DAB1: variants seen among roughly 807,000 people sequenced by gnomAD.
DAB1 encodes disabled homolog 1.
In DAB1, 15 loss-of-function variants were observed where a neutral mutation model predicts 64.6. The ratio of observed to expected loss-of-function variants is 0.23; its 90% CI spans 0.16 to 0.36. The LOEUF (loss-of-function observed/expected upper bound fraction) is 0.36, where lower values mean the gene tolerates loss of function less well. Among genes scored for constraint, DAB1 ranks in the 10% least tolerant of loss-of-function variants. The probability of loss-of-function intolerance (pLI) is 1.00; values close to 1 mark genes in which losing one functional copy is unlikely to be tolerated. For synonymous variants in DAB1, 235 were observed against 251.9 expected (o/e 0.93, Z 0.64); for missense variants, 596 against 706.7 (o/e 0.84, Z 1.78).
chr1:58,356,382 G>C (rs868366421), intron 3 of DAB1, among the ~76,000 whole-genome samples: 1 of 152,094 alleles, frequency 6.6e-6, no homozygotes, highest in Non-Finnish European at 1.5e-5. Flanking sequence ...TTTAGAGCGA[G>C]ACAAAAATAT....
At chr1:57,272,774 G>T (rs1671114531) in intron 2 of DAB1, among the ~76,000 whole-genome samples, 1 of 152,156 alleles carries the variant, frequency 6.6e-6, no homozygotes, top group African/African-American at 2.4e-5. Context: ...CACGTGGCTG[G>T]CCATCAGAGA....
At chr1:58,523,848 G>A (rs770805067) in intron 2 of DAB1, among the ~76,000 whole-genome samples, 1 of 151,414 alleles carries the variant, frequency 6.6e-6, no homozygotes, top group Non-Finnish European at 1.5e-5. Context: ...GCAGTGAGCC[G>A]AGATCACACC....
chr1:58,421,248 A>G (rs880007), intron 3 of DAB1, among the ~76,000 whole-genome samples: 14,187 of 152,226 alleles, frequency 0.093, 1,059 homozygotes, highest in East Asian at 0.31. Flanking sequence ...GACAGGCACG[A>G]GCAACATGAT....
At chr1:57,472,247 T>C (rs138044499) in intron 7 of DAB1, among the ~76,000 whole-genome samples, 3 of 152,316 alleles carry the variant, frequency 2.0e-5, no homozygotes, top group African/African-American at 7.2e-5. Context: ...CATTATAAAG[T>C]AAAGGGCATT....
In DAB1 at chr1:57,141,912, C is replaced by G. The variant is rs74077258; in HGVS notation, c.207+3378G>C. 3.2e-3 allele frequency among the ~76,000 whole-genome samples: 484 copies of G among 152,092 alleles called. 1 individual carries two copies. The highest frequency in any genetic ancestry group is 0.011 in the African/African-American group (473 of 41,488). ...AAACTGTGTCTTGTCGAACACAGGC[C>G]CTCTTGGTGTCTGGGTTAGAATTCA... On this transcript the variant is annotated intron_variant, in intron 3 of 14. Transcript: ENST00000371236.
chr1:58,433,584 AGAGAGAGAGAGAGTGT>A (rs141606117), intron 3 of DAB1, among the ~76,000 whole-genome samples: 1 of 135,414 alleles, frequency 7.4e-6, no homozygotes, highest in East Asian at 2.2e-4. Flanking sequence ...AGAGAGAGAG[AGAGAGAGAGAGAGTGT>A]GTGTGTGTGT....
At chr1:57,568,040 A>C (rs1405916498) in intron 7 of DAB1, among the ~76,000 whole-genome samples, 1 of 152,228 alleles carries the variant, frequency 6.6e-6, no homozygotes, top group Admixed American at 6.5e-5. Flanking sequence ...ATAAGGCTAC[A>C]GTAACCAAAA....
chr1:57,910,283 C>G (rs760076346), intron 5 of DAB1, among the ~76,000 whole-genome samples: 1 of 152,114 alleles, frequency 6.6e-6, no homozygotes, highest in African/African-American at 2.4e-5. Context: ...GCATCTGGTC[C>G]TTTTTGAACA....
intron 8 of DAB1, among the ~76,000 whole-genome samples, chr1:57,065,829 T>A (rs764031856): frequency 4.6e-5 from 7 of 152,162 alleles, no homozygotes; most frequent in Non-Finnish European, 1.0e-4. Flanking sequence ...ATTGTGAGCA[T>A]CTAAGGGGGC....
At chr1:57,010,336 C>T (rs980043123) in intron 14 of DAB1, among the ~76,000 whole-genome samples, 2 of 152,130 alleles carry the variant, frequency 1.3e-5, no homozygotes, top group East Asian at 1.9e-4. Context: ...CCACGCAGAA[C>T]ATATTATTAA....
At chr1:57,372,246 T>C (rs949683947) in intron 1 of DAB1, among the ~76,000 whole-genome samples, 5 of 152,192 alleles carry the variant, frequency 3.3e-5, no homozygotes, top group Non-Finnish European at 7.3e-5. Flanking sequence ...AACTGGTGTG[T>C]TTAATACCTC....
At chr1:58,370,292 T>C (rs1216328498) in intron 3 of DAB1, among the ~76,000 whole-genome samples, 3 of 151,978 alleles carry the variant, frequency 2.0e-5, no homozygotes, top group Admixed American at 6.6e-5. Context: ...AAGAAAGATA[T>C]AGCATGATGA....
chr1:57,125,612 G>GA (rs1268520333), intron 4 of DAB1, among the ~76,000 whole-genome samples: 1 of 152,104 alleles, frequency 6.6e-6, no homozygotes, highest in Non-Finnish European at 1.5e-5. Context: ...TAAATAGAAA[G>GA]AAAAATGAGG....
In DAB1 at chr1:58,336,297, C is replaced by A. The variant is rs952218844; in HGVS notation, n.309+7055G>T. Among the ~76,000 whole-genome samples, 6 of 152,258 alleles carry A rather than the reference C, an allele frequency of 3.9e-5. No homozygotes were observed. The East Asian group carries it at 7.7e-4, about 20-fold the overall frequency. ...TCATCATGGTCATATTCTGTTCTGGCGTTTGAAGGTTTTCTGGGTTCTGAT... is the reference window on the plus strand; with the variant it reads ...TCATCATGGTCATATTCTGTTCTGGAGTTTGAAGGTTTTCTGGGTTCTGAT... On this transcript the variant is annotated intron_variant and non_coding_transcript_variant, in intron 4 of 20. Coordinates refer to the DAB1 transcript ENST00000485760.
intron 5 of DAB1, among the ~76,000 whole-genome samples, chr1:57,895,151 TG>T (rs1169708819): frequency 6.6e-6 from 1 of 152,058 alleles, no homozygotes; most frequent in Non-Finnish European, 1.5e-5. Context: ...AAGTTATAAA[TG>T]ATATTCAAGT....
At chr1:57,963,437 G>A (rs1310523739) in intron 5 of DAB1, among the ~76,000 whole-genome samples, 1 of 152,068 alleles carries the variant, frequency 6.6e-6, no homozygotes, top group African/African-American at 2.4e-5. Flanking sequence ...TACCAATCAC[G>A]GTGCACCGTT....
intron 4 of DAB1, among the ~76,000 whole-genome samples, chr1:58,168,620 T>A (rs1276410345): frequency 6.6e-6 from 1 of 152,086 alleles, no homozygotes; most frequent in Non-Finnish European, 1.5e-5. Flanking sequence ...AGCCCCATCA[T>A]AGGGGAGACT....
At chr1:57,541,841 T>C (rs1644806489) in intron 7 of DAB1, among the ~76,000 whole-genome samples, 1 of 152,218 alleles carries the variant, frequency 6.6e-6, no homozygotes, top group Non-Finnish European at 1.5e-5. Flanking sequence ...TAGTCATTGT[T>C]AGATACTGCT....
At chr1:58,217,255 C>G (rs1658904223) in intron 4 of DAB1, among the ~76,000 whole-genome samples, 2 of 152,186 alleles carry the variant, frequency 1.3e-5, no homozygotes, top group East Asian at 3.8e-4. Context: ...AGCTTGTGCT[C>G]CTTGGACTCT....
Sources: gnomAD v4.1 joint callset for allele counts (sites outside exome capture counted in the v4.1 genomes callset) on GRCh38, gnomAD v4.1.1 for gene constraint, MANE v1.5 for transcripts, NCBI Gene and HGNC (gene_info 2026-07-23, HGNC 2026-07-21) for gene names.